SHISA9: variants seen among roughly 807,000 people sequenced by gnomAD.
The protein encoded by SHISA9 is protein shisa-9.
Under a neutral mutation model 38.0 loss-of-function variants are expected in SHISA9, and 13 were observed. The ratio of observed to expected loss-of-function variants is 0.34; its 90% confidence interval spans 0.22 to 0.54. SHISA9 has a LOEUF of 0.54. SHISA9 is among the 20% of genes least tolerant of loss of function. SHISA9 has a pLI of 0.91. For missense variants in SHISA9, 538 were observed against 575.8 expected (o/e 0.93, Z 0.67); for synonymous variants, 275 against 242.0 (o/e 1.14, Z -1.27).
At chr16:13,009,479 C>T (rs1238888401) in intron 2 of SHISA9, among the ~76,000 whole-genome samples, 1 of 152,144 alleles carries the variant, frequency 6.6e-6, no homozygotes, top group East Asian at 1.9e-4. Context: ...ATTTCCTCCT[C>T]CATTTTCCCT....
At chr16:13,449,387 AAG>A in the SHISA9 span, among the ~76,000 whole-genome samples, 1 of 152,228 alleles carries the variant, frequency 6.6e-6, no homozygotes, top group Non-Finnish European at 1.5e-5. Flanking sequence ...TACATTAGAA[AAG>A]TGTTACTTTA....
At chr16:12,982,704 T>C (rs2072256301) in intron 2 of SHISA9, among the ~76,000 whole-genome samples, 1 of 152,220 alleles carries the variant, frequency 6.6e-6, no homozygotes, top group African/African-American at 2.4e-5. Context: ...GCAGCACTCC[T>C]TGTTTCTCTC....
At chr16:13,291,138 A>G in the SHISA9 span, among the ~76,000 whole-genome samples, 2 of 152,150 alleles carry the variant, frequency 1.3e-5, no homozygotes, top group African/African-American at 4.8e-5. Flanking sequence ...TTCATTCTTC[A>G]CTGGGCTGGA....
At chr16:12,939,573 A>G (rs1302604398) in intron 2 of SHISA9, among the ~76,000 whole-genome samples, 3 of 152,162 alleles carry the variant, frequency 2.0e-5, no homozygotes, top group Admixed American at 6.5e-5. Context: ...AGTCAACCCC[A>G]TGGGAAATTT....
chr16:13,432,091 T>C, the SHISA9 span, among the ~76,000 whole-genome samples: 1 of 152,146 alleles, frequency 6.6e-6, no homozygotes, highest in Non-Finnish European at 1.5e-5. Context: ...AATAACAAAA[T>C]GAAAATAACC....
intron 4 of SHISA9, among the ~76,000 whole-genome samples, chr16:13,217,518 C>A (rs547072131): frequency 1.5e-3 from 227 of 152,296 alleles, no homozygotes; most frequent in South Asian, 2.1e-4. Context: ...CCTGCGTCCC[C>A]CTTTCCAAGC....
the SHISA9 span, among the ~76,000 whole-genome samples, chr16:13,428,916 C>G: frequency 6.6e-6 from 1 of 152,022 alleles, no homozygotes. Flanking sequence ...CAGGTGCATG[C>G]CACCAGGCCT....
chr16:13,035,917 T>A (rs1327507737), intron 2 of SHISA9, among the ~76,000 whole-genome samples: 1 of 152,204 alleles, frequency 6.6e-6, no homozygotes, highest in Non-Finnish European at 1.5e-5. Flanking sequence ...GCCGGTGTCA[T>A]TAGTCATCAG....
chr16:13,542,059 C>T, the SHISA9 span, among the ~76,000 whole-genome samples: 3 of 152,130 alleles, frequency 2.0e-5, no homozygotes, highest in Non-Finnish European at 2.9e-5. Flanking sequence ...CAGATAAAGA[C>T]ACACATGAAG....
rs551579972 is a variant in SHISA9, at chr16:13,026,893, C to T, written c.691+110078C>T. 7.2e-5 allele frequency among the ~76,000 whole-genome samples: 11 copies of T among 152,250 alleles called. No individual in the cohort carries two copies. In the East Asian group the frequency reaches 9.7e-4, roughly 13 times the overall value. On this transcript the variant is annotated intron_variant, in intron 2 of 4. Coordinates refer to ENST00000558583, the MANE Select transcript of SHISA9 (RefSeq NM_001145204.3). The stretch of plus-strand genomic sequence containing the variant: ...ATGTGAAGCTCAGAGACTTTGGCTG[C>T]GGGAAGGGAAAACCAGTGCCCCTCC...
Position 13,213,240 on chromosome 16 carries a change from G to A in SHISA9, c.848-13G>A. On this transcript the variant is annotated splice_polypyrimidine_tract_variant and intron_variant, in intron 3 of 4. Coordinates refer to ENST00000558583, the MANE Select transcript of SHISA9 (RefSeq NM_001145204.3). ...AACAGATCATCAGCATTTCTTGATT[G>A]TTATTTTTTTAGGAAGTTCTGATGG... 6.4e-7 allele frequency: 1 copy of A among 1,551,400 alleles called. No individual in the cohort carries two copies. Among genetic ancestry groups the A allele is most frequent in the African/African-American group, 1.4e-5 (1 of 73,162 alleles).
chr16:13,268,957 A>C, the SHISA9 span, among the ~76,000 whole-genome samples: 1 of 152,176 alleles, frequency 6.6e-6, no homozygotes, highest in Admixed American at 6.5e-5. Context: ...CAGTTAATTC[A>C]GGGTCTCAGT....
At chr16:13,316,450 G>A in the SHISA9 span, among the ~76,000 whole-genome samples, 13 of 152,118 alleles carry the variant, frequency 8.5e-5, no homozygotes, top group Non-Finnish European at 1.5e-4. Flanking sequence ...CAGGTCAGAC[G>A]CAAACCCATG....
rs78711409 is a variant in SHISA9 at position 13,172,939 on chromosome 16, A to G, written c.692-30455A>G. Among the ~76,000 whole-genome samples the G allele has an allele frequency of 2.6e-4, 39 of 152,264 alleles. No homozygotes were observed. In the East Asian group the frequency reaches 7.0e-3, roughly 27 times the overall value. On this transcript the variant is annotated intron_variant, in intron 2 of 4. Transcript: ENST00000558583. ...AATATCTTACTTCCCGATCTGTTCA[A>G]CTGGCAATAAAAATTCTTTTTTGTG... is the stretch of plus-strand genomic sequence containing the variant.
rs367636097 is a variant in SHISA9, at chr16:13,216,846, T to C, written c.895+3546T>C. On this transcript the variant is annotated intron_variant, in intron 4 of 4. Transcript: ENST00000558583. ...ATAAACATCATGCTAGTTGGTACGATTTATTTTTCACCACCTAGGGCTTCC... is the reference window on the plus strand; with the variant it reads ...ATAAACATCATGCTAGTTGGTACGACTTATTTTTCACCACCTAGGGCTTCC... Among the ~76,000 whole-genome samples the C allele has an allele frequency of 1.5e-4, 23 of 152,284 alleles. 1 individual carries two copies. Among genetic ancestry groups the C allele is most frequent in the African/African-American group, 5.1e-4 (21 of 41,560 alleles).
At chr16:13,457,992 C>T in the SHISA9 span, among the ~76,000 whole-genome samples, 7 of 152,062 alleles carry the variant, frequency 4.6e-5, no homozygotes, top group African/African-American at 1.7e-4. Context: ...TTCCTTTCTT[C>T]CTTCCTTCTT....
At chr16:13,388,066 G>C in the SHISA9 span, among the ~76,000 whole-genome samples, 1 of 152,164 alleles carries the variant, frequency 6.6e-6, no homozygotes, top group African/African-American at 2.4e-5. Flanking sequence ...TAGTACCTGA[G>C]ACAGCCCATT....
the SHISA9 span, among the ~76,000 whole-genome samples, chr16:13,551,174 T>C: frequency 1.3e-5 from 2 of 149,648 alleles, no homozygotes; most frequent in South Asian, 4.3e-4. Flanking sequence ...CCACTGAAGA[T>C]CTTTGCTCTT....
rs931263253 is a variant in SHISA9 at position 13,236,462 on chromosome 16, C to T, written c.*1053C>T. On this transcript the variant is annotated 3_prime_UTR_variant, in exon 5 of 5. Coordinates refer to ENST00000558583, the MANE Select transcript of SHISA9 (RefSeq NM_001145204.3). ...GCCACAGAAACAAGTCCTCTATAAA[C>T]TGTATGTCCCTGACATCCCTTTCCC... 2.6e-5 allele frequency: 4 copies of T among 152,204 alleles called. No homozygotes were observed. Among genetic ancestry groups the T allele is most frequent in the Non-Finnish European group, 4.4e-5 (3 of 68,050 alleles). 9.4% of individuals were successfully genotyped at this position (152,204 alleles called of 1,614,324 possible). A position where few individuals can be genotyped will look rare whatever the true frequency, so the allele number is the denominator to read the frequency against.
Sources: gnomAD v4.1 joint callset for allele counts (sites outside exome capture counted in the v4.1 genomes callset) on GRCh38, gnomAD v4.1.1 for gene constraint, MANE v1.5 for transcripts, NCBI Gene and HGNC (gene_info 2026-07-23, HGNC 2026-07-21) for gene names.